DPYSL5: variants seen among roughly 807,000 people sequenced by gnomAD.
The protein encoded by DPYSL5 is dihydropyrimidinase like 5.
In DPYSL5, 9 loss-of-function variants were observed where a neutral mutation model predicts 58.4. That is an observed-to-expected ratio of 0.15 (90% confidence interval 0.09 to 0.27). The LOEUF (loss-of-function observed/expected upper bound fraction) is 0.27, where lower values mean the gene tolerates loss of function less well. Among genes scored for constraint, DPYSL5 ranks in the 10% least tolerant of loss-of-function variants. The probability of loss-of-function intolerance (pLI) is 1.00; values close to 1 mark genes in which losing one functional copy is unlikely to be tolerated. For missense variants in DPYSL5, 499 were observed against 770.6 expected (o/e 0.65, Z 4.17); for synonymous variants, 293 against 301.9 (o/e 0.97, Z 0.31).
intron 1 of DPYSL5, among the ~76,000 whole-genome samples, chr2:26,876,594 C>T (rs919986658): frequency 6.6e-6 from 1 of 152,206 alleles, no homozygotes; most frequent in African/African-American, 2.4e-5. Context: ...TGGCTCACTG[C>T]AGCCTCCATC....
intron 2 of DPYSL5, among the ~76,000 whole-genome samples, chr2:26,917,801 AT>A (rs1010824696): frequency 6.6e-6 from 1 of 152,190 alleles, no homozygotes; most frequent in Non-Finnish European, 1.5e-5. Context: ...TTGTTTAAAA[AT>A]TATTAAGAAT....
chr2:26,928,674 C>T (rs1384141808), intron 5 of DPYSL5, among the ~76,000 whole-genome samples: 1 of 103,310 alleles, frequency 9.7e-6, no homozygotes, highest in African/African-American at 3.6e-5. Context: ...TGCAATCCAG[C>T]CAAGGTGATA....
At chr2:26,854,930 G>C (rs1665842554) in intron 1 of DPYSL5, among the ~76,000 whole-genome samples, 1 of 151,856 alleles carries the variant, frequency 6.6e-6, no homozygotes, top group Non-Finnish European at 1.5e-5. Flanking sequence ...CAATTCTCCT[G>C]CCTCAGCTTC....
chr2:26,918,628 T>C (rs1169240392), intron 2 of DPYSL5, among the ~76,000 whole-genome samples: 4 of 152,190 alleles, frequency 2.6e-5, no homozygotes, highest in Non-Finnish European at 5.9e-5. Context: ...GCTGCAGACA[T>C]GTTTGCACTG....
rs1665686096 is a variant in DPYSL5, at chr2:26,849,318, GGCCTCCTGGGAAGGGGA to G, written c.-5+1071_-5+1087del. On this transcript the variant is annotated intron_variant, in intron 1 of 12. Transcript: ENST00000288699. The surrounding 1 kb of genome is among the most constrained non-coding windows in gnomAD (Gnocchi z 6.2). ...AGACCCGCGCTGTGCGGGGGAGGGG[GGCCTCCTGGGAAGGGGA>G]GCCTCCCGAGGAGGGAGGGGCAAGC... is the stretch of plus-strand genomic sequence containing the variant. Among the ~76,000 whole-genome samples, 4 of 151,902 alleles carry G rather than the reference GGCCTCCTGGGAAGGGGA, an allele frequency of 2.6e-5. No homozygotes were observed. The highest frequency in any genetic ancestry group is 1.3e-4 in the Admixed American group (2 of 15,278).
Position 26,933,395 on chromosome 2 carries a change from C to A in DPYSL5, c.790+62C>A. 6.6e-7 allele frequency: 1 copy of A among 1,512,006 alleles called. No homozygotes were observed. Among genetic ancestry groups the A allele is most frequent in the Non-Finnish European group, 9.2e-7 (1 of 1,091,760 alleles). The allele number at this position is 1,512,006 out of a possible 1,614,324, so 93.7% of individuals were successfully genotyped here. A position where few individuals can be genotyped will look rare whatever the true frequency, so the allele number is the denominator to read the frequency against. On this transcript the variant is annotated intron_variant, in intron 7 of 12. Coordinates refer to ENST00000288699, the MANE Select transcript of DPYSL5 (RefSeq NM_020134.4). This position sits in a 1 kb window ranked among gnomAD's most constrained non-coding sequence, Gnocchi z 4.2. The stretch of plus-strand genomic sequence containing the variant: ...GTGGAGGGACTGGAGATGGATGGGG[C>A]CCATTAGCCGTGCTCACTCCTGGCC...
chr2:26,851,384 T>C (rs1361368981), intron 1 of DPYSL5, among the ~76,000 whole-genome samples: 1 of 152,244 alleles, frequency 6.6e-6, no homozygotes. Context: ...GGTGCAAACA[T>C]TAGCAGGGTT....
chr2:26,922,844 T>G (rs1240724225), intron 2 of DPYSL5, among the ~76,000 whole-genome samples: 3 of 152,198 alleles, frequency 2.0e-5, no homozygotes, highest in Admixed American at 1.3e-4. Context: ...CTTCTCCCGG[T>G]TCCTCTGCCG....
At chr2:26,883,130 G>C (rs930272412) in intron 1 of DPYSL5, among the ~76,000 whole-genome samples, 1 of 152,048 alleles carries the variant, frequency 6.6e-6, no homozygotes, top group African/African-American at 2.4e-5. Flanking sequence ...GAAAATATAT[G>C]TGCAGTTTAA....
At position 26,940,082 on chromosome 2, in the gene DPYSL5, G is replaced by A. The variant is rs775683259; in HGVS notation, c.999G>A (p.Gln333=). Residue 333 remains glutamine (Q), a synonymous_variant, in exon 9 of 13, where the codon CAG becomes CAA. Coordinates refer to ENST00000288699, the MANE Select transcript of DPYSL5 (RefSeq NM_020134.4). ...ASDHRPFTTK[Q]KAMGKEDFTK... ...ATCACCGGCCTTTCACCACAAAGCA[G>A]AAAGCTATGGGCAAGGAAGACTTCA... The A allele has an allele frequency of 1.2e-6, 2 of 1,614,208 alleles. No individual in the cohort carries two copies. Among genetic ancestry groups the A allele is most frequent in the Admixed American group, 1.7e-5 (1 of 60,020 alleles).
At chr2:26,921,117 T>A (rs778162645) in intron 2 of DPYSL5, among the ~76,000 whole-genome samples, 4 of 152,158 alleles carry the variant, frequency 2.6e-5, no homozygotes, top group Non-Finnish European at 5.9e-5. Flanking sequence ...CTGTCCTGTG[T>A]CACATGCTAT....
chr2:26,874,656 A>G (rs941161640), intron 1 of DPYSL5, among the ~76,000 whole-genome samples: 3 of 152,252 alleles, frequency 2.0e-5, no homozygotes, highest in Admixed American at 6.5e-5. Context: ...TTAAAAAAGC[A>G]GGAGGTGTCT....
At chr2:26,859,043 A>G (rs2148108313) in intron 1 of DPYSL5, among the ~76,000 whole-genome samples, 1 of 152,322 alleles carries the variant, frequency 6.6e-6, no homozygotes, top group East Asian at 1.9e-4. Flanking sequence ...TGGCATGGAA[A>G]TTATTTCATA....
intron 5 of DPYSL5, among the ~76,000 whole-genome samples, chr2:26,930,394 G>A (rs1223150979): frequency 6.6e-6 from 1 of 152,196 alleles, no homozygotes; most frequent in African/African-American, 2.4e-5. Flanking sequence ...GCTCCCCAGG[G>A]GAAATTTGAC....
intron 1 of DPYSL5, among the ~76,000 whole-genome samples, chr2:26,873,029 C>T (rs1010294917): frequency 2.6e-5 from 4 of 152,186 alleles, no homozygotes; most frequent in African/African-American, 9.6e-5. Flanking sequence ...TTTAATCCAA[C>T]AAGGGTTTCC....
In DPYSL5 at chr2:26,849,989, G is replaced by A. The variant is rs952308762; in HGVS notation, c.-5+1735G>A. On this transcript the variant is annotated intron_variant, in intron 1 of 12. Transcript: ENST00000288699. This position sits in a 1 kb window ranked among gnomAD's most constrained non-coding sequence, Gnocchi z 6.2. ...GCCGGGCGGCGACGCAGGTGCCAAA[G>A]ACTGGAGGTCGCCTCGGTGCAGCGC... 2.0e-5 allele frequency among the ~76,000 whole-genome samples: 3 copies of A among 152,244 alleles called. No homozygotes were observed. Among genetic ancestry groups the A allele is most frequent in the African/African-American group, 7.2e-5 (3 of 41,476 alleles).
At chr2:26,936,221 CT>C (rs1665172331) in intron 8 of DPYSL5, among the ~76,000 whole-genome samples, 1 of 152,218 alleles carries the variant, frequency 6.6e-6, no homozygotes, top group African/African-American at 2.4e-5. Context: ...GTCCCGCTTT[CT>C]AGACCTGGGG....
chr2:26,869,728 T>C (rs1663206977), intron 1 of DPYSL5, among the ~76,000 whole-genome samples: 1 of 152,080 alleles, frequency 6.6e-6, no homozygotes, highest in South Asian at 2.1e-4. Context: ...ACATAATGTA[T>C]CGGCCGGACG....
chr2:26,910,595 C>CT (rs753794270), intron 2 of DPYSL5, among the ~76,000 whole-genome samples: 4 of 137,684 alleles, frequency 2.9e-5, no homozygotes, highest in East Asian at 2.1e-4. Flanking sequence ...GAGTTGTTTT[C>CT]TTTTTTTCTT....
Sources: gnomAD v4.1 joint callset for allele counts (sites outside exome capture counted in the v4.1 genomes callset) on GRCh38, gnomAD v4.1.1 for gene constraint, Gnocchi (gnomAD v3.1) non-coding constraint, MANE v1.5 for transcripts, NCBI Gene and HGNC (gene_info 2026-07-23, HGNC 2026-07-21) for gene names.